Variants in TTLL11 observed in about 807,000 individuals in gnomAD.
TTLL11 encodes the protein tubulin polyglutamylase TTLL11.
Under a neutral mutation model 51.7 loss-of-function variants are expected in TTLL11, and 42 were observed. The observed-to-expected ratio is 0.81, with a 90% CI of 0.64 to 1.05. TTLL11 has a LOEUF of 1.05. Among genes scored for constraint, TTLL11 ranks in the 50% least tolerant of loss-of-function variants. The probability of loss-of-function intolerance (pLI) is 0.00; values close to 1 mark genes in which losing one functional copy is unlikely to be tolerated. For synonymous variants in TTLL11, 381 were observed against 383.5 expected, an observed-to-expected ratio of 0.99 and a Z score of 0.08; for missense variants, 799 against 940.4, an observed-to-expected ratio of 0.85 and a Z score of 1.97.
chr9:121,974,201 G>A (rs146899743), intron 5 of TTLL11, 77 bp from the exon 6 acceptor site: 81 of 1,008,746 alleles, frequency 8.0e-5, no homozygotes, highest in Non-Finnish European at 1.1e-4. Context: ...AGCTCCAGGG[G>A]TTATACTAGT....
At chr9:121,895,415 T>C (rs1454522547) in intron 6 of TTLL11, among the ~76,000 whole-genome samples, 1 of 151,846 alleles carries the variant, frequency 6.6e-6, no homozygotes, top group Non-Finnish European at 1.5e-5. Context: ...TGTGTGTGCA[T>C]GAGTGTGCGC....
chr9:122,019,336 C>T (rs903896062), intron 3 of TTLL11, among the ~76,000 whole-genome samples: 10 of 152,214 alleles, frequency 6.6e-5, no homozygotes, highest in African/African-American at 1.9e-4. Context: ...CCCCTCTGCA[C>T]TTAAAACCCC....
intron 3 of TTLL11, among the ~76,000 whole-genome samples, chr9:122,026,635 T>C (rs1194402307): frequency 6.6e-6 from 1 of 152,138 alleles, no homozygotes; most frequent in African/African-American, 2.4e-5. Flanking sequence ...TAAAGCTGTC[T>C]GTTAAAAAGT....
intron 1 of TTLL11, among the ~76,000 whole-genome samples, chr9:122,046,362 T>C (rs1176106083): frequency 2.0e-5 from 3 of 152,186 alleles, no homozygotes; most frequent in Non-Finnish European, 4.4e-5. Context: ...GTAAGTTTCC[T>C]GAGGCCTCCA....
intron 1 of TTLL11, among the ~76,000 whole-genome samples, chr9:122,042,245 C>T (rs1844866344): frequency 3.3e-5 from 5 of 152,178 alleles, no homozygotes; most frequent in African/African-American, 1.2e-4. Flanking sequence ...AGGCCATCCA[C>T]CTGCCTCGGC....
intron 8 of TTLL11, among the ~76,000 whole-genome samples, chr9:121,851,167 G>A (rs1417135765): frequency 1.3e-5 from 2 of 152,154 alleles, no homozygotes; most frequent in Non-Finnish European, 2.9e-5. Flanking sequence ...AAAAGATCAG[G>A]CGCTCACGGA....
At chr9:121,865,550 T>C (rs1838152349) in intron 7 of TTLL11, among the ~76,000 whole-genome samples, 1 of 152,102 alleles carries the variant, frequency 6.6e-6, no homozygotes, top group South Asian at 2.1e-4. Context: ...TTGTAAAAAT[T>C]TTCCTTCGTG....
At chr9:121,834,555 G>A (rs1013444413) in intron 8 of TTLL11, among the ~76,000 whole-genome samples, 2 of 150,878 alleles carry the variant, frequency 1.3e-5, no homozygotes, top group African/African-American at 2.4e-5. Flanking sequence ...CAGGCCAGGC[G>A]CGGTGGCTCA....
intron 3 of TTLL11, among the ~76,000 whole-genome samples, chr9:121,999,653 T>C (rs910893642): frequency 1.2e-4 from 19 of 152,202 alleles, no homozygotes; most frequent in African/African-American, 4.6e-4. Context: ...TCCATTCTAA[T>C]AAGCAACCCT....
chr9:122,050,315 C>T (rs1468774114), intron 1 of TTLL11, among the ~76,000 whole-genome samples: 2 of 152,192 alleles, frequency 1.3e-5, no homozygotes, highest in Admixed American at 6.5e-5. Context: ...CCAAATATCG[C>T]GTGTCATTAG....
chr9:121,837,560 G>A (rs545431815), intron 8 of TTLL11, among the ~76,000 whole-genome samples: 22 of 152,226 alleles, frequency 1.4e-4, no homozygotes, highest in African/African-American at 4.3e-4. Context: ...GTCTACAGTC[G>A]GTCCTGATTA....
chr9:121,944,200 G>C (rs1356065575), intron 6 of TTLL11, among the ~76,000 whole-genome samples: 1 of 152,224 alleles, frequency 6.6e-6, no homozygotes, highest in Non-Finnish European at 1.5e-5. Context: ...GACTTCACTA[G>C]TATAGCAAGA....
chr9:122,033,894 C>T (rs959255860), intron 2 of TTLL11, among the ~76,000 whole-genome samples: 18 of 152,298 alleles, frequency 1.2e-4, no homozygotes, highest in African/African-American at 4.1e-4. Flanking sequence ...CTGAGCTTCC[C>T]AAGAAGGGAG....
In TTLL11 at chr9:122,039,274, G is replaced by T; in HGVS notation, c.557C>A (p.Pro186Gln). The T allele has an allele frequency of 6.2e-7, 1 of 1,613,544 alleles. No homozygotes were observed. Residue 186 changes from proline to glutamine, a missense_variant and splice_region_variant, in exon 2 of 9, where the codon CCA becomes CAA. Transcript: ENST00000321582. ...DIFSGQVNKF[P>Q]GMTEMVRKIT... ...ATGTCAACAATAACAGCAGATACCT[G>T]GAAACTTGTTCACTTGACCGGAGAA...
In TTLL11 at chr9:121,897,640, A is replaced by ACACACACACACACACACATG. The variant is rs111331446; in HGVS notation, c.1482-26893_1482-26892insCATGTGTGTGTGTGTGTGTG. Among the ~76,000 whole-genome samples, 301 of 139,384 alleles carry ACACACACACACACACACATG rather than the reference A, an allele frequency of 2.2e-3. 3 individuals carry two copies. Among genetic ancestry groups the ACACACACACACACACACATG allele is most frequent in the African/African-American group, 7.9e-3 (297 of 37,666 alleles). The allele number at this position is 139,384 out of a possible 152,430, so 91.4% of individuals were successfully genotyped here. On this transcript the variant is annotated intron_variant, in intron 6 of 8. Transcript: ENST00000321582. ...CAGGCACACACACACACACACACAC[A>ACACACACACACACACACATG]CGCGCGCGCGAAGTCTCCAACTGCC... is the stretch of plus-strand genomic sequence containing the variant.
chr9:122,033,927 C>T (rs1290770329), intron 2 of TTLL11, among the ~76,000 whole-genome samples: 2 of 152,208 alleles, frequency 1.3e-5, no homozygotes, highest in Non-Finnish European at 2.9e-5. Context: ...CAGCTATTTC[C>T]TTTTATTCTC....
Position 121,870,675 on chromosome 9 carries a change from A to T in TTLL11, c.1555T>A (p.Cys519Ser). Residue 519 changes from cysteine (C) to serine (S), a missense_variant, in exon 7 of 9, where the codon TGC (cysteine) becomes AGC (serine). By Grantham distance (112) the Cys-to-Ser change is moderately radical. Around this residue, in one of 3 missense-constraint regions of TTLL11, gnomAD observed 468 missense variants for 612.8 expected, o/e 0.76. Transcript: ENST00000321582. ...AGGTGGGCTTCGGGGTTGGCGTTGC[A>T]GTCTGGAGCACTGGTCAGCTCGCCG... ...LDGELTSAPDCNANPEAHLPS... is the reference protein window; with the variant it reads ...LDGELTSAPDSNANPEAHLPS... 6.4e-7 allele frequency: 1 copy of T among 1,551,782 alleles called. No homozygotes were observed. Among genetic ancestry groups the T allele is most frequent in the South Asian group, 1.2e-5 (1 of 84,060 alleles).
At chr9:121,907,306 C>T (rs1270113969) in intron 6 of TTLL11, among the ~76,000 whole-genome samples, 19 of 151,848 alleles carry the variant, frequency 1.3e-4, no homozygotes, top group Admixed American at 2.0e-4. Flanking sequence ...AAAAATTAGC[C>T]GGGTGTGATG....
chr9:121,902,949 A>G (rs1839822959), intron 6 of TTLL11, among the ~76,000 whole-genome samples: 1 of 152,174 alleles, frequency 6.6e-6, no homozygotes, highest in African/African-American at 2.4e-5. Context: ...GTTCTACACT[A>G]TAGACTATAT....
Sources: gnomAD v4.1 joint callset for allele counts (sites outside exome capture counted in the v4.1 genomes callset) on GRCh38, gnomAD v4.1.1 for gene constraint, gnomAD v4.1.1 regional missense constraint, MANE v1.5 for transcripts, NCBI Gene and HGNC (gene_info 2026-07-23, HGNC 2026-07-21) for gene names.